Variants in SLC23A2 observed in about 807,000 individuals in gnomAD.
The protein encoded by SLC23A2 is solute carrier family 23 member 2.
SLC23A2 carries 36 observed loss-of-function variants against 73.3 expected under a neutral mutation model. The observed-to-expected ratio is 0.49, with a 90% CI of 0.38 to 0.65. The LOEUF (loss-of-function observed/expected upper bound fraction) is 0.65, where lower values mean the gene tolerates loss of function less well. Ranked by LOEUF, SLC23A2 falls within the 30% of genes least tolerant of loss-of-function variation. SLC23A2 has a pLI of 0.00. For synonymous variants in SLC23A2, 343 were observed against 327.3 expected (o/e 1.05, Z -0.52); for missense variants, 507 against 841.6 (o/e 0.60, Z 4.92).
chr20:4,941,201 G>C (rs1346367387), intron 2 of SLC23A2, among the ~76,000 whole-genome samples: 3 of 151,622 alleles, frequency 2.0e-5, no homozygotes, highest in Non-Finnish European at 4.4e-5. Flanking sequence ...AAATTCTAGA[G>C]ATCTGCTGGA....
intron 9 of SLC23A2, among the ~76,000 whole-genome samples, chr20:4,878,978 C>T (rs866166718): frequency 4.6e-5 from 7 of 152,300 alleles, no homozygotes; most frequent in South Asian, 2.1e-4. Context: ...TATAAATTGA[C>T]TAGCACATCT....
intron 2 of SLC23A2, among the ~76,000 whole-genome samples, chr20:4,964,143 G>A (rs2087436185): frequency 6.6e-6 from 1 of 151,950 alleles, no homozygotes; most frequent in South Asian, 2.1e-4. Flanking sequence ...AAGTAGCTGG[G>A]ATTGTAGGCA....
intron 2 of SLC23A2, among the ~76,000 whole-genome samples, chr20:4,946,462 GGGGTGAGTT>G (rs1205889972): frequency 4.6e-5 from 7 of 152,232 alleles, no homozygotes; most frequent in Non-Finnish European, 1.0e-4. Flanking sequence ...AAACATCCAT[GGGGTGAGTT>G]GGGTGGGGAG....
At chr20:4,962,514 G>A (rs2087409449) in intron 2 of SLC23A2, among the ~76,000 whole-genome samples, 1 of 152,240 alleles carries the variant, frequency 6.6e-6, no homozygotes, top group Non-Finnish European at 1.5e-5. Flanking sequence ...ATCCCAAAGT[G>A]CTGTCTGGGA....
At chr20:4,950,467 G>A (rs1776948) in intron 2 of SLC23A2, among the ~76,000 whole-genome samples, 85,503 of 151,922 alleles carry the variant, frequency 0.56, 25,468 homozygotes, top group African/African-American at 0.75. Flanking sequence ...CCAGTTCAAC[G>A]TGGCATCCAG....
upstream of SLC23A2, among the ~76,000 whole-genome samples, chr20:5,003,150 G>A (rs1240289193): frequency 1.3e-5 from 2 of 152,192 alleles, no homozygotes; most frequent in Non-Finnish European, 2.9e-5. Flanking sequence ...TTGGGAGGCC[G>A]AGGCAGGCGG....
In SLC23A2 at chr20:4,857,336, ATG is replaced by A. The variant is rs1207070554; in HGVS notation, c.1721-134_1721-133del. ...CACACACACACACACACACACACAC[ATG>A]GTCCCACAGATCAAACCTGCCTAGA... On this transcript the variant is annotated intron_variant, in intron 16 of 16. Coordinates refer to ENST00000338244, the MANE Select transcript of SLC23A2 (RefSeq NM_005116.6). This position sits in a 1 kb window ranked among gnomAD's most constrained non-coding sequence, Gnocchi z 4.0. 1.5e-4 allele frequency: 77 copies of A among 525,076 alleles called. No homozygotes were observed. In the East Asian group the frequency reaches 2.3e-3, roughly 16 times the overall value. The allele number at this position is 525,076 out of a possible 1,614,324, so 32.5% of individuals were successfully genotyped here.
intron 6 of SLC23A2, among the ~76,000 whole-genome samples, chr20:4,887,664 G>A (rs1486487215): frequency 1.2e-4 from 18 of 152,268 alleles, no homozygotes; most frequent in Middle Eastern, 3.4e-3. Context: ...AAAGATACTT[G>A]CTCATTTGCA....
At chr20:4,997,344 A>G (rs1312691142) in intron 1 of SLC23A2, among the ~76,000 whole-genome samples, 1 of 151,998 alleles carries the variant, frequency 6.6e-6, no homozygotes, top group Admixed American at 6.6e-5. Flanking sequence ...CTCTGACCTC[A>G]AGACCAAATT....
At chr20:4,954,187 TA>T (rs1225096317) in intron 2 of SLC23A2, among the ~76,000 whole-genome samples, 1 of 152,060 alleles carries the variant, frequency 6.6e-6, no homozygotes, top group Non-Finnish European at 1.5e-5. Flanking sequence ...TCCAAGAAGA[TA>T]GGGGTAGGGA....
At chr20:4,913,322 G>A (rs1034045550) in intron 3 of SLC23A2, among the ~76,000 whole-genome samples, 1 of 152,056 alleles carries the variant, frequency 6.6e-6, no homozygotes, top group Non-Finnish European at 1.5e-5. Flanking sequence ...ACCTGAGGCC[G>A]ACTTCCTGCA....
intron 3 of SLC23A2, among the ~76,000 whole-genome samples, chr20:4,921,019 G>C (rs1231472588): frequency 6.6e-6 from 1 of 152,168 alleles, no homozygotes; most frequent in African/African-American, 2.4e-5. Flanking sequence ...GAAGTGTTTG[G>C]CTTCACTGAA....
chr20:4,911,869 G>A (rs1932161679), intron 4 of SLC23A2, among the ~76,000 whole-genome samples: 1 of 151,498 alleles, frequency 6.6e-6, no homozygotes, highest in Non-Finnish European at 1.5e-5. Context: ...TTAGAGACAG[G>A]GTCTTACTCT....
chr20:4,980,030 T>C (rs1420029207), intron 1 of SLC23A2, among the ~76,000 whole-genome samples: 4 of 151,908 alleles, frequency 2.6e-5, no homozygotes, highest in Admixed American at 2.0e-4. Context: ...AAAAGAATCA[T>C]TAAAAAGTAC....
chr20:4,931,859 C>A (rs76903415), intron 3 of SLC23A2, among the ~76,000 whole-genome samples: 3,855 of 152,290 alleles, frequency 0.025, 164 homozygotes, highest in African/African-American at 0.086. Flanking sequence ...CATCTTGAGG[C>A]AAGACCTCTC....
intron 1 of SLC23A2, among the ~76,000 whole-genome samples, chr20:4,991,082 G>A (rs138088555): frequency 3.3e-5 from 5 of 152,070 alleles, no homozygotes; most frequent in Non-Finnish European, 5.9e-5. Context: ...AGGTGTGAGG[G>A]GAGATAATCG....
intron 9 of SLC23A2, among the ~76,000 whole-genome samples, chr20:4,879,946 T>C (rs1291219615): frequency 1.3e-5 from 2 of 152,202 alleles, no homozygotes; most frequent in African/African-American, 4.8e-5. Context: ...ATAGAGTCTT[T>C]TGCGCATTTG....
chr20:4,931,982 T>C (rs1344489744), intron 3 of SLC23A2, among the ~76,000 whole-genome samples: 3 of 152,212 alleles, frequency 2.0e-5, no homozygotes, highest in African/African-American at 7.2e-5. Flanking sequence ...AATGAATGTG[T>C]GTAATCAGCC....
At chr20:4,981,470 C>G (rs763390252) in intron 1 of SLC23A2, among the ~76,000 whole-genome samples, 6 of 152,120 alleles carry the variant, frequency 3.9e-5, no homozygotes, top group Admixed American at 3.9e-4. Context: ...TGGAAGTGCT[C>G]GGGCTGAATT....
Sources: gnomAD v4.1 joint callset for allele counts (sites outside exome capture counted in the v4.1 genomes callset) on GRCh38, gnomAD v4.1.1 for gene constraint, Gnocchi (gnomAD v3.1) non-coding constraint, MANE v1.5 for transcripts, NCBI Gene and HGNC (gene_info 2026-07-23, HGNC 2026-07-21) for gene names.